Variants in MDGA2 observed in about 807,000 individuals in gnomAD.
MDGA2 encodes MAM domain containing glycosylphosphatidylinositol anchor 2, also known as MAM domain-containing glycosylphosphatidylinositol anchor protein 2.
MDGA2 carries 40 observed loss-of-function variants against 117.8 expected under a neutral mutation model. The ratio of observed to expected loss-of-function variants is 0.34; its 90% confidence interval spans 0.26 to 0.44. The LOEUF is 0.44. MDGA2 is among the 20% of genes least tolerant of loss of function. The probability of loss-of-function intolerance (pLI) is 1.00; values close to 1 mark genes in which losing one functional copy is unlikely to be tolerated. For missense variants in MDGA2, 1,123 were observed against 1,250.6 expected (o/e 0.90, Z 1.54); for synonymous variants, 452 against 439.0 (o/e 1.03, Z -0.37).
chr14:46,974,466 A>G (rs1167365908), intron 8 of MDGA2, among the ~76,000 whole-genome samples: 19 of 152,136 alleles, frequency 1.2e-4, no homozygotes, highest in Admixed American at 1.2e-3. Context: ...GCACTTCTTG[A>G]TTTCAAAAGT....
intron 3 of MDGA2, among the ~76,000 whole-genome samples, chr14:47,147,580 C>T (rs1436421755): frequency 6.6e-6 from 1 of 152,170 alleles, no homozygotes; most frequent in African/African-American, 2.4e-5. Flanking sequence ...AGGGCCTGCT[C>T]TGTTTGGCTT....
At chr14:47,203,751 G>C (rs957375421) in intron 3 of MDGA2, among the ~76,000 whole-genome samples, 1 of 151,960 alleles carries the variant, frequency 6.6e-6, no homozygotes. Context: ...ACCTAGTTTT[G>C]ATTCAAGAGA....
intron 4 of MDGA2, among the ~76,000 whole-genome samples, chr14:47,140,519 A>G (rs536641675): frequency 7.9e-4 from 121 of 152,254 alleles, no homozygotes; most frequent in Non-Finnish European, 9.6e-4. Context: ...GCACATAACC[A>G]AATCAACACA....
At chr14:47,237,339 C>T (rs1401500636) in intron 2 of MDGA2, among the ~76,000 whole-genome samples, 3 of 152,144 alleles carry the variant, frequency 2.0e-5, no homozygotes, top group Admixed American at 6.5e-5. Context: ...CATTTTACGC[C>T]CGGGTCTCCC....
chr14:47,658,018 A>G (rs558760103), intron 1 of MDGA2, among the ~76,000 whole-genome samples: 2 of 152,264 alleles, frequency 1.3e-5, no homozygotes, highest in African/African-American at 4.8e-5. Flanking sequence ...TCCTGTCCCC[A>G]GAATTACAGG....
chr14:47,206,291 A>T (rs902160314), intron 3 of MDGA2, among the ~76,000 whole-genome samples: 2 of 151,990 alleles, frequency 1.3e-5, no homozygotes, highest in African/African-American at 4.8e-5. Flanking sequence ...ACAGACTTTA[A>T]TTTAAAACAT....
At chr14:47,299,367 T>C (rs1437879826) in intron 2 of MDGA2, 1 of 152,138 alleles carries the variant, frequency 6.6e-6, no homozygotes, top group Non-Finnish European at 1.5e-5. Flanking sequence ...AAATATAATT[T>C]GGAGTTCAGA....
intron 9 of MDGA2, among the ~76,000 whole-genome samples, chr14:46,926,770 T>G (rs145371836): frequency 7.5e-4 from 114 of 152,268 alleles, no homozygotes; most frequent in Non-Finnish European, 1.5e-3. Context: ...TAAATTTATT[T>G]TATGTTTTAC....
intron 10 of MDGA2, among the ~76,000 whole-genome samples, chr14:46,915,032 A>T (rs548396947): frequency 9.2e-5 from 14 of 152,298 alleles, no homozygotes; most frequent in Non-Finnish European, 2.1e-4. Context: ...TGCTTAGGCC[A>T]CATGCCTAAC....
At chr14:47,515,064 A>C (rs932957341) in intron 1 of MDGA2, among the ~76,000 whole-genome samples, 1 of 152,204 alleles carries the variant, frequency 6.6e-6, no homozygotes, top group African/African-American at 2.4e-5. Flanking sequence ...CTGAATAAAC[A>C]AATTAGTTGA....
rs549849827 is a variant in MDGA2, at chr14:47,061,112, G to A, written c.1525+137C>T. 265 of 664,562 alleles carry A rather than the reference G, an allele frequency of 4.0e-4. 1 individual carries two copies. Among genetic ancestry groups the A allele is most frequent in the Non-Finnish European group, 2.8e-4 (110 of 395,140 alleles). 41.2% of individuals were successfully genotyped at this position (664,562 alleles called of 1,614,324 possible). On this transcript the variant is annotated intron_variant, in intron 7 of 16. Transcript: ENST00000399232. ...TGTTTCAGAACCTAGTATTCATTGA[G>A]CATTCAGAACATTATAATTTTGTTT...
chr14:47,532,385 G>C (rs544395288), intron 1 of MDGA2, among the ~76,000 whole-genome samples: 3 of 151,848 alleles, frequency 2.0e-5, no homozygotes, highest in African/African-American at 7.2e-5. Context: ...CACCAATTTT[G>C]CCCTAACAAT....
chr14:47,200,775 G>C (rs1407364937), intron 3 of MDGA2: 1 of 837,034 alleles, frequency 1.2e-6, no homozygotes. Context: ...AGGCGCCCCA[G>C]TTAGGCAAAC....
intron 7 of MDGA2, among the ~76,000 whole-genome samples, chr14:47,054,839 T>C (rs1383019298): frequency 2.0e-5 from 3 of 151,778 alleles, no homozygotes; most frequent in Non-Finnish European, 2.9e-5. Context: ...TTACACCTTA[T>C]ACAAAAATTA....
chr14:47,004,444 C>G (rs1887641046), intron 8 of MDGA2, among the ~76,000 whole-genome samples: 1 of 151,720 alleles, frequency 6.6e-6, no homozygotes, highest in Non-Finnish European at 1.5e-5. Context: ...CTAAGTCCAT[C>G]TATTCCAAGA....
Position 47,061,404 on chromosome 14 carries a change from A to T in MDGA2, c.1370T>A (p.Ile457Asn), listed in dbSNP as rs1889876875. The change falls in exon 7 of 17, where the codon ATT becomes AAT. Residue 457 changes from isoleucine (I) to asparagine (N), a missense_variant. By Grantham distance (149) the Ile-to-Asn change is moderately radical. Coordinates refer to ENST00000399232, the MANE Select transcript of MDGA2 (RefSeq NM_001113498.3). ...RPLRSSERMVITQTDPDVSPG... is the reference protein window; with the variant it reads ...RPLRSSERMVNTQTDPDVSPG... ...AGAGACATCAGGATCAGTCTGTGTAATGACCATCCGCTCAGAACTTCTTAA... is the reference window on the plus strand; with the variant it reads ...AGAGACATCAGGATCAGTCTGTGTATTGACCATCCGCTCAGAACTTCTTAA... 6.2e-7 allele frequency: 1 copy of T among 1,613,544 alleles called. No individual in the cohort carries two copies. The highest frequency in any genetic ancestry group is 1.1e-5 in the South Asian group (1 of 91,090).
At chr14:47,058,485 A>C (rs1048525334) in intron 7 of MDGA2, 2 of 974,858 alleles carry the variant, frequency 2.1e-6, no homozygotes, top group African/African-American at 3.5e-5. Flanking sequence ...TTTCCTCAGT[A>C]TCCTCCAGGG....
chr14:47,274,981 A>G (rs1416561862), intron 2 of MDGA2, among the ~76,000 whole-genome samples: 1 of 152,078 alleles, frequency 6.6e-6, no homozygotes, highest in Non-Finnish European at 1.5e-5. Context: ...CAGATATATG[A>G]TTTACAAATA....
At chr14:47,204,521 G>A (rs1231957093) in intron 3 of MDGA2, among the ~76,000 whole-genome samples, 2 of 151,894 alleles carry the variant, frequency 1.3e-5, no homozygotes, top group Admixed American at 1.3e-4. Context: ...TCTCTTCTAA[G>A]CTAGAGTACA....
Sources: gnomAD v4.1 joint callset for allele counts (sites outside exome capture counted in the v4.1 genomes callset) on GRCh38, gnomAD v4.1.1 for gene constraint, MANE v1.5 for transcripts, NCBI Gene and HGNC (gene_info 2026-07-23, HGNC 2026-07-21) for gene names.